Variants in DCAF8L2 observed in about 807,000 individuals in gnomAD.
DCAF8L2 encodes DDB1 and CUL4 associated factor 8 like 2, also known as DDB1- and CUL4-associated factor 8-like protein 2.
For missense variants in DCAF8L2, 430 were observed against 490.7 expected (o/e 0.88, Z 1.17); for synonymous variants, 200 against 190.9 (o/e 1.05, Z -0.39).
chrX:27,512,801 A>AAAAAAAAAAAAAAAAAAAAAAC, the DCAF8L2 span, among the ~76,000 whole-genome samples: 1 of 88,649 alleles, frequency 1.1e-5, no homozygotes, highest in Non-Finnish European at 2.1e-5. Context: ...AAAAAAAAAA[A>AAAAAAAAAAAAAAAAAAAAAAC]AAAAAAAAAC....
At chrX:27,717,878 T>C (rs1931756126) in intron 4 of DCAF8L2, among the ~76,000 whole-genome samples, 1 of 112,193 alleles carries the variant, frequency 8.9e-6, no homozygotes. Flanking sequence ...CTACCAACCA[T>C]GTACAGTTCT....
At chrX:27,548,792 T>C in the DCAF8L2 span, among the ~76,000 whole-genome samples, 10 of 111,731 alleles carry the variant, frequency 9.0e-5, no homozygotes, top group Non-Finnish European at 1.9e-4. Flanking sequence ...TTCATCTAGG[T>C]TGAATAAAGG....
At chrX:27,634,371 A>G (rs1277708024) in intron 2 of DCAF8L2, among the ~76,000 whole-genome samples, 1 of 111,467 alleles carries the variant, frequency 9.0e-6, no homozygotes, top group African/African-American at 3.3e-5. Context: ...TTCAGTTCAT[A>G]TGTTACCTCC....
intron 3 of DCAF8L2, among the ~76,000 whole-genome samples, chrX:27,687,231 C>T (rs1569182235): frequency 8.9e-6 from 1 of 111,883 alleles, no homozygotes; most frequent in Non-Finnish European, 1.9e-5. Context: ...AAAATCTTTG[C>T]ACAGAGGGAA....
At chrX:27,681,590 C>T (rs1199858139) in intron 3 of DCAF8L2, among the ~76,000 whole-genome samples, 1 of 112,003 alleles carries the variant, frequency 8.9e-6, no homozygotes, top group Non-Finnish European at 1.9e-5. Context: ...TAAAATATAT[C>T]AGTCAGTAGT....
chrX:27,574,597 T>G, the DCAF8L2 span, among the ~76,000 whole-genome samples: 1 of 112,269 alleles, frequency 8.9e-6, no homozygotes, highest in Middle Eastern at 4.6e-3. Flanking sequence ...CAAGTAAAGT[T>G]ATTTCTAGCC....
At chrX:27,523,570 T>A in the DCAF8L2 span, among the ~76,000 whole-genome samples, 1 of 110,425 alleles carries the variant, frequency 9.1e-6, no homozygotes, top group Non-Finnish European at 1.9e-5. Flanking sequence ...GCAATATAAT[T>A]TCCCATCATA....
At chrX:27,521,972 G>T in the DCAF8L2 span, among the ~76,000 whole-genome samples, 1 of 112,240 alleles carries the variant, frequency 8.9e-6, no homozygotes, top group Non-Finnish European at 1.9e-5. Context: ...ATGCAAATTT[G>T]CCAAATAATG....
intron 3 of DCAF8L2, among the ~76,000 whole-genome samples, chrX:27,698,647 T>C (rs760123097): frequency 5.3e-4 from 59 of 112,245 alleles, no homozygotes; most frequent in African/African-American, 1.8e-3. Context: ...TTAAAAAATA[T>C]GTTTGTAGTA....
chrX:27,704,847 G>C (rs1164059213), intron 3 of DCAF8L2, among the ~76,000 whole-genome samples: 1 of 110,643 alleles, frequency 9.0e-6, no homozygotes, highest in Non-Finnish European at 1.9e-5. Flanking sequence ...TTCAGGGGTA[G>C]ATATGCATGT....
chrX:27,664,833 A>T (rs1007193107), intron 2 of DCAF8L2, among the ~76,000 whole-genome samples: 3 of 111,425 alleles, frequency 2.7e-5, no homozygotes, highest in Admixed American at 9.6e-5. Context: ...AAAAGCCTGC[A>T]TGGTAGAACA....
At chrX:27,506,022 AATC>A in the DCAF8L2 span, among the ~76,000 whole-genome samples, 1 of 112,429 alleles carries the variant, frequency 8.9e-6, no homozygotes, top group African/African-American at 3.2e-5. Flanking sequence ...AATTTAAAAG[AATC>A]ATCAAATAAC....
the DCAF8L2 span, among the ~76,000 whole-genome samples, chrX:27,497,818 C>T: frequency 3.6e-5 from 4 of 111,761 alleles, no homozygotes; most frequent in African/African-American, 1.3e-4. Context: ...CTGCCCGCCT[C>T]GGCCTCCCAA....
chrX:27,525,942 G>T, the DCAF8L2 span, among the ~76,000 whole-genome samples: 3 of 111,522 alleles, frequency 2.7e-5, no homozygotes, highest in African/African-American at 9.8e-5. Context: ...GACCTTTCTC[G>T]CTGACTGCTC....
the DCAF8L2 span, among the ~76,000 whole-genome samples, chrX:27,583,476 C>G: frequency 9.0e-6 from 1 of 110,749 alleles, no homozygotes; most frequent in South Asian, 3.9e-4. Flanking sequence ...TCTTTTTGGG[C>G]CCTCTCAGTG....
chrX:27,475,297 C>G, the DCAF8L2 span, among the ~76,000 whole-genome samples: 1 of 112,019 alleles, frequency 8.9e-6, no homozygotes, highest in Non-Finnish European at 1.9e-5. Flanking sequence ...TTTCCCAAAT[C>G]ACATATAATT....
At chrX:27,509,562 G>A in the DCAF8L2 span, among the ~76,000 whole-genome samples, 4 of 112,003 alleles carry the variant, frequency 3.6e-5, no homozygotes, top group Non-Finnish European at 7.5e-5. Context: ...GTTGTCTAAT[G>A]AACATTGCAT....
chrX:27,571,962 G>C, the DCAF8L2 span, among the ~76,000 whole-genome samples: 1 of 111,612 alleles, frequency 9.0e-6, no homozygotes, highest in African/African-American at 3.3e-5. Context: ...TCATATCAGT[G>C]CTATGTAGAG....
the DCAF8L2 span, among the ~76,000 whole-genome samples, chrX:27,550,963 T>C: frequency 9.0e-6 from 1 of 110,793 alleles, no homozygotes; most frequent in Admixed American, 9.7e-5. Flanking sequence ...TTATTATTAT[T>C]ATATCTCTTA....
Sources: allele counts gnomAD v4.1 joint callset (sites outside exome capture counted in the v4.1 genomes callset), GRCh38; gene constraint gnomAD v4.1.1; transcripts MANE v1.5; gene names NCBI Gene and HGNC (gene_info 2026-07-23, HGNC 2026-07-21).